PTPRG: variants seen among roughly 807,000 people sequenced by gnomAD.
The protein encoded by PTPRG is receptor-type tyrosine-protein phosphatase gamma.
In PTPRG, 102 loss-of-function variants were observed where a neutral mutation model predicts 165.3. That is an observed-to-expected ratio of 0.62 (90% CI 0.53 to 0.73). PTPRG has a LOEUF of 0.73. Ranked by LOEUF, PTPRG falls within the 30% of genes least tolerant of loss-of-function variation. The pLI is 0.00. For missense variants in PTPRG, 1,866 were observed against 1,861.4 expected, an observed-to-expected ratio of 1.00 and a Z score of -0.05; for synonymous variants, 675 against 669.5, an observed-to-expected ratio of 1.01 and a Z score of -0.13.
chr3:61,872,853 C>T (rs1414646392), intron 2 of PTPRG, among the ~76,000 whole-genome samples: 1 of 152,018 alleles, frequency 6.6e-6, no homozygotes, highest in Non-Finnish European at 1.5e-5. Context: ...GAAGTCATGG[C>T]CATCAAAGTA....
intron 2 of PTPRG, among the ~76,000 whole-genome samples, chr3:61,819,130 A>C (rs2035881290): frequency 6.6e-6 from 1 of 152,176 alleles, no homozygotes; most frequent in Admixed American, 6.5e-5. Flanking sequence ...ATATGCCAAA[A>C]AGACAATGGA....
intron 10 of PTPRG, among the ~76,000 whole-genome samples, chr3:62,196,314 A>G (rs551880935): frequency 6.6e-6 from 1 of 152,160 alleles, no homozygotes; most frequent in Admixed American, 6.5e-5. Flanking sequence ...GAAGCAGGAG[A>G]ATCACTTGAA....
At chr3:61,672,733 GGGGAGAGGGAGAGGGAGA>G (rs150569166) in intron 1 of PTPRG, among the ~76,000 whole-genome samples, 2 of 118,924 alleles carry the variant, frequency 1.7e-5, no homozygotes, top group Non-Finnish European at 3.4e-5. Context: ...GGGAGACTGT[GGGGAGAGGGAGAGGGAGA>G]GGGAGAGGGA....
At chr3:62,026,746 C>CTTG (rs1188352407) in intron 4 of PTPRG, among the ~76,000 whole-genome samples, 3 of 151,900 alleles carry the variant, frequency 2.0e-5, no homozygotes, top group Admixed American at 6.6e-5. Flanking sequence ...ATTAGCCAGG[C>CTTG]GTGGTGGCAC....
chr3:61,891,810 T>C (rs758243978), intron 2 of PTPRG, among the ~76,000 whole-genome samples: 4 of 152,226 alleles, frequency 2.6e-5, no homozygotes, highest in African/African-American at 7.2e-5. Context: ...GTAATGAAGA[T>C]AGTCTGTGTA....
chr3:61,879,294 C>T (rs368268611), intron 2 of PTPRG, among the ~76,000 whole-genome samples: 12 of 152,226 alleles, frequency 7.9e-5, no homozygotes, highest in East Asian at 5.8e-4. Flanking sequence ...TGCGTCCTCA[C>T]GATCAGCTCA....
At chr3:61,874,841 C>A (rs1046141221) in intron 2 of PTPRG, among the ~76,000 whole-genome samples, 2 of 152,284 alleles carry the variant, frequency 1.3e-5, no homozygotes, top group Middle Eastern at 6.8e-3. Context: ...AGTCCATACC[C>A]GTAACTGAAT....
Position 61,568,401 on chromosome 3 carries a change from C to T in PTPRG, c.85+6029C>T, listed in dbSNP as rs149916124. On this transcript the variant is annotated intron_variant, in intron 1 of 29. Coordinates refer to ENST00000474889, the MANE Select transcript of PTPRG (RefSeq NM_002841.4). The stretch of plus-strand genomic sequence containing the variant: ...AAGGATTGTTAGGTATAAGTGATGG[C>T]TGTGCAAGATTGCTTTAAGTAGCTA... Among the ~76,000 whole-genome samples, 545 of 152,088 alleles carry T rather than the reference C, an allele frequency of 3.6e-3. 3 individuals carry two copies. The highest frequency in any genetic ancestry group is 0.016 in the East Asian group (84 of 5,184).
Position 62,140,138 on chromosome 3 carries a change from C to G in PTPRG, c.682+7470C>G, listed in dbSNP as rs148239351. ...ACACATTCACTGTTTAAAAAGAAAC[C>G]GGCCCCAGGATATGGTGCTGCCTGC... On this transcript the variant is annotated intron_variant, in intron 6 of 29. Coordinates refer to ENST00000474889, the MANE Select transcript of PTPRG (RefSeq NM_002841.4). Among the ~76,000 whole-genome samples, 5 of 152,180 alleles carry G rather than the reference C, an allele frequency of 3.3e-5. 1 individual carries two copies. The highest frequency in any genetic ancestry group is 2.1e-4 in the South Asian group (1 of 4,828).
intron 1 of PTPRG, among the ~76,000 whole-genome samples, chr3:61,744,132 A>G (rs2033105217): frequency 6.6e-6 from 1 of 152,204 alleles, no homozygotes; most frequent in African/African-American, 2.4e-5. Context: ...TTTGCAAATC[A>G]CTGCTCCTTG....
chr3:62,029,334 C>CA (rs1699687634), intron 4 of PTPRG, among the ~76,000 whole-genome samples: 2 of 152,264 alleles, frequency 1.3e-5, no homozygotes, highest in South Asian at 4.1e-4. Flanking sequence ...TTCTCACTGT[C>CA]ACAAGCTTCA....
intron 1 of PTPRG, among the ~76,000 whole-genome samples, chr3:61,637,769 CAG>C (rs1288412462): frequency 6.6e-6 from 1 of 152,148 alleles, no homozygotes; most frequent in East Asian, 1.9e-4. Context: ...GCACCAGAAA[CAG>C]AGATATCAGT....
At chr3:61,815,884 T>C (rs569389264) in intron 2 of PTPRG, among the ~76,000 whole-genome samples, 1 of 152,354 alleles carries the variant, frequency 6.6e-6, no homozygotes. Context: ...TTGGAAATTC[T>C]AGAATGGACC....
Position 61,989,643 on chromosome 3 carries a change from A to G in PTPRG, c.209A>G (p.His70Arg). The G allele has an allele frequency of 3.7e-6, 6 of 1,614,058 alleles. No individual in the cohort carries two copies. The highest frequency in any genetic ancestry group is 5.1e-6 in the Non-Finnish European group (6 of 1,179,954). The change falls in exon 3 of 30, where the codon CAC becomes CGC. Residue 70 changes from histidine to arginine, a missense_variant. By Grantham distance (29) the His-to-Arg change is conservative. Transcript: ENST00000474889. Reference protein sequence around the residue: ...WAYSGAYGPEHWVTSSVSCGG... With the variant: ...WAYSGAYGPERWVTSSVSCGG... ...TCAACAGGTGCCTATGGTCCTGAGC[A>G]CTGGGTCACGTCTAGTGTCAGCTGT...
In PTPRG at chr3:62,210,610, T is replaced by C. The variant is rs112016889; in HGVS notation, c.2155+6660T>C. Among the ~76,000 whole-genome samples, 298 of 152,300 alleles carry C rather than the reference T, an allele frequency of 2.0e-3. 2 individuals carry two copies. The highest frequency in any genetic ancestry group is 7.0e-3 in the African/African-American group (290 of 41,564). The stretch of plus-strand genomic sequence containing the variant: ...TTGAAAAACAGTCTTGAACTGCTTA[T>C]ATCCACTTATACACGAGTTTTCTTC... On this transcript the variant is annotated intron_variant, in intron 12 of 29. Transcript: ENST00000474889. The surrounding 1 kb of genome is among the most constrained non-coding windows in gnomAD (Gnocchi z 4.1).
intron 18 of PTPRG, 44 bp from the exon 19 acceptor site, chr3:62,267,641 G>C: frequency 6.3e-7 from 1 of 1,596,798 alleles, no homozygotes; most frequent in Admixed American, 1.8e-5. Context: ...CTGGTCTTCT[G>C]TGATAACTGC....
chr3:61,620,974 A>G (rs977006830), intron 1 of PTPRG, among the ~76,000 whole-genome samples: 1 of 149,266 alleles, frequency 6.7e-6, no homozygotes, highest in African/African-American at 2.5e-5. Flanking sequence ...AGTGGTCTTC[A>G]CTGATCCCAT....
intron 10 of PTPRG, among the ~76,000 whole-genome samples, chr3:62,196,889 C>CCAG (rs140751673): frequency 6.0e-4 from 91 of 152,150 alleles, no homozygotes; most frequent in African/African-American, 2.0e-3. Context: ...GAGTTGTGGA[C>CCAG]CAGCAGCAGC....
At chr3:61,707,942 CT>C (rs1201891061) in intron 1 of PTPRG, among the ~76,000 whole-genome samples, 1 of 152,078 alleles carries the variant, frequency 6.6e-6, no homozygotes, top group Admixed American at 6.6e-5. Context: ...GTGCACACCA[CT>C]GTGACCAGAT....
Sources: gnomAD v4.1 joint callset for allele counts (sites outside exome capture counted in the v4.1 genomes callset) on GRCh38, gnomAD v4.1.1 for gene constraint, Gnocchi (gnomAD v3.1) non-coding constraint, MANE v1.5 for transcripts, NCBI Gene and HGNC (gene_info 2026-07-23, HGNC 2026-07-21) for gene names.